The following TCFL5 variants were observed in gnomAD, a reference collection of about 807,000 sequenced individuals.
The protein encoded by TCFL5 is transcription factor-like 5 protein.
In TCFL5, 9 loss-of-function variants were observed where a neutral mutation model predicts 44.3. The ratio of observed to expected loss-of-function variants is 0.20; its 90% CI spans 0.12 to 0.35. TCFL5 has a LOEUF of 0.35. TCFL5 is among the 10% of genes least tolerant of loss of function. The probability of loss-of-function intolerance (pLI) is 1.00; values close to 1 mark genes in which losing one functional copy is unlikely to be tolerated. For missense variants in TCFL5, 603 were observed against 613.4 expected (o/e 0.98, Z 0.18); for synonymous variants, 319 against 271.6 (o/e 1.17, Z -1.72).
Position 62,857,571 on chromosome 20 carries a change from T to C in TCFL5, c.1062A>G (p.Val354=). ...GAATCTCTCCAAGGGCTCTTCGCTCTACATTTGTGTCCAACTGACGCATTC... is the reference window on the plus strand; with the variant it reads ...GAATCTCTCCAAGGGCTCTTCGCTCCACATTTGTGTCCAACTGACGCATTC... ...RSRMRQLDTN[V]ERRALGEIQN... The change falls in exon 4 of 6, where the codon GTA becomes GTG. Residue 354 remains valine, a synonymous_variant. Transcript: ENST00000335351. 1 of 1,614,266 alleles carries C rather than the reference T, an allele frequency of 6.2e-7. No individual in the cohort carries two copies. The highest frequency in any genetic ancestry group is 1.1e-5 in the South Asian group (1 of 91,090).
intron 2 of TCFL5, among the ~76,000 whole-genome samples, chr20:62,859,728 T>TG (rs1252131467): frequency 2.2e-5 from 3 of 135,232 alleles, no homozygotes; most frequent in African/African-American, 1.0e-4. Flanking sequence ...TGTTTTTTTG[T>TG]TTTTTTTTTT....
chr20:62,858,202 G>C (rs73321030), intron 3 of TCFL5, among the ~76,000 whole-genome samples: 1 of 152,224 alleles, frequency 6.6e-6, no homozygotes, highest in South Asian at 2.1e-4. Context: ...AAGAAGTAGC[G>C]TCCGAGCTTT....
chr20:62,848,445 A>G (rs996326201), intron 5 of TCFL5, among the ~76,000 whole-genome samples: 6 of 152,228 alleles, frequency 3.9e-5, no homozygotes, highest in African/African-American at 1.4e-4. Flanking sequence ...TGGATATTAA[A>G]AAGTCAACAC....
rs1259742404 is a variant in TCFL5 at position 62,844,942 on chromosome 20, C to G, written c.1381-2845G>C. The G allele has an allele frequency of 4.1e-6, 4 of 984,738 alleles. No homozygotes were observed. The East Asian group carries it at 4.5e-4, about 112-fold the overall frequency. 61.0% of individuals were successfully genotyped at this position (984,738 alleles called of 1,614,324 possible). Reference sequence around the variant, plus strand: ...AGTTGTAGTAACTTTCTACTTAATTCAAGTCCAGGAGGACACAAGCGCCAT... The same window carrying G: ...AGTTGTAGTAACTTTCTACTTAATTGAAGTCCAGGAGGACACAAGCGCCAT... On this transcript the variant is annotated intron_variant, in intron 5 of 5. Coordinates refer to ENST00000335351, the MANE Select transcript of TCFL5 (RefSeq NM_006602.4).
intron 5 of TCFL5, chr20:62,845,829 A>G (rs1442411044): frequency 1.3e-6 from 2 of 1,597,258 alleles, no homozygotes; most frequent in Non-Finnish European, 8.6e-7. Flanking sequence ...TCTCATTATA[A>G]AAGTGATTTA....
In TCFL5 at chr20:62,841,828, C is replaced by T. The variant is rs551710277; in HGVS notation, c.*147G>A. 7.5e-4 allele frequency: 731 copies of T among 974,036 alleles called. 1 individual carries two copies. Among genetic ancestry groups the T allele is most frequent in the Admixed American group, 1.7e-3 (52 of 30,648 alleles). 60.3% of individuals were successfully genotyped at this position (974,036 alleles called of 1,614,324 possible). ...TAGATAAATATTTTTACAAAATGTG[C>T]TCTCAAAGTCCCTACTGGAGTCCCG... On this transcript the variant is annotated 3_prime_UTR_variant, in exon 6 of 6. Transcript: ENST00000335351.
intron 5 of TCFL5, chr20:62,846,229 G>A (rs1463823502): frequency 1.5e-6 from 1 of 648,050 alleles, no homozygotes; most frequent in Non-Finnish European, 2.3e-6. Flanking sequence ...GCGCTCGCAA[G>A]ATCTTCTGAA....
rs1251543411 is a variant in TCFL5 at position 62,857,607 on chromosome 20, C to T, written c.1026G>A (p.Arg342=). The part of the protein sequence containing the change: ...EAALCKQALK[R]NRSRMRQLDT... ...CCAACTGACGCATTCTACTCCGATTCCTCTTCAGTGCTTGTTTGCATAGCG... is the reference window on the plus strand; with the variant it reads ...CCAACTGACGCATTCTACTCCGATTTCTCTTCAGTGCTTGTTTGCATAGCG... The change falls in exon 4 of 6, where the codon AGG becomes AGA. Residue 342 remains arginine, a synonymous_variant. Coordinates refer to ENST00000335351, the MANE Select transcript of TCFL5 (RefSeq NM_006602.4). 6.2e-7 allele frequency: 1 copy of T among 1,614,230 alleles called. No homozygotes were observed. Among genetic ancestry groups the T allele is most frequent in the Non-Finnish European group, 8.5e-7 (1 of 1,180,036 alleles).
rs1600868241 is a variant in TCFL5, at chr20:62,861,186, G to T, written c.485C>A (p.Ala162Glu). The change falls in exon 1 of 6, where the codon GCG becomes GAG. Residue 162 changes from alanine (A) to glutamate (E), a missense_variant. Ala to Glu is a moderately radical substitution (Grantham distance 107). Around this residue, in one of 4 missense-constraint regions of TCFL5, gnomAD observed 540 missense variants for 478.7 expected, o/e 1.13. Transcript: ENST00000335351. This position sits in a 1 kb window ranked among gnomAD's most constrained non-coding sequence, Gnocchi z 4.0. ...TCCAGCCGCAGCCGCAGCCGCGCCCGCGCCCTCCTTGGCGGCGCCGTCGGC... is the reference window on the plus strand; with the variant it reads ...TCCAGCCGCAGCCGCAGCCGCGCCCTCGCCCTCCTTGGCGGCGCCGTCGGC... Reference protein sequence around the residue: ...ARADGAAKEGAGAAAAAAGPD... With the variant: ...ARADGAAKEGEGAAAAAAGPD... 3 of 1,032,196 alleles carry T rather than the reference G, an allele frequency of 2.9e-6. No homozygotes were observed. The East Asian group carries it at 2.8e-4, about 95-fold the overall frequency. The allele number at this position is 1,032,196 out of a possible 1,614,324, so 63.9% of individuals were successfully genotyped here.
At chr20:62,859,202 CAG>C (rs2063945595) in intron 3 of TCFL5, among the ~76,000 whole-genome samples, 160 bp downstream of exon 3, 1 of 152,180 alleles carries the variant, frequency 6.6e-6, no homozygotes. Context: ...AGCGAAAAGA[CAG>C]GGAAGCGGGT....
chr20:62,861,075 G>A lies in TCFL5; in HGVS notation c.596C>T (p.Pro199Leu). Residue 199 changes from proline to leucine, a missense_variant, in exon 1 of 6, where the codon CCG (proline) becomes CTG (leucine). By Grantham distance (98) the Pro-to-Leu change is moderately conservative. Coordinates refer to ENST00000335351, the MANE Select transcript of TCFL5 (RefSeq NM_006602.4). The surrounding 1 kb of genome is among the most constrained non-coding windows in gnomAD (Gnocchi z 4.0). ...GGGCTCGGGGCCGCGCGGCGCGGGC[G>A]GCGGCTCGGCGGGGATGCTGTTGAA... ...DRFNSIPAEP[P>L]PAPRGPEPPE... 4.0e-6 allele frequency: 4 copies of A among 996,228 alleles called. No homozygotes were observed. Among genetic ancestry groups the A allele is most frequent in the Non-Finnish European group, 4.8e-6 (4 of 838,850 alleles). 61.7% of individuals were successfully genotyped at this position (996,228 alleles called of 1,614,324 possible).
intron 5 of TCFL5, chr20:62,846,237 G>C: frequency 1.6e-6 from 1 of 606,524 alleles, no homozygotes; most frequent in Non-Finnish European, 2.5e-6. Context: ...AAGATCTTCT[G>C]AACTATTTTC....
chr20:62,859,347 G>A lies in TCFL5; in HGVS notation c.994+17C>T, dbSNP rs779259337. On this transcript the variant is annotated intron_variant, in intron 3 of 5. Coordinates refer to ENST00000335351, the MANE Select transcript of TCFL5 (RefSeq NM_006602.4). ...AGTCAGAAGAAAGCTCCCACTACCT[G>A]CTGCTTCATCGCTTACCTCCCACTT... 6.3e-7 allele frequency: 1 copy of A among 1,598,802 alleles called. No homozygotes were observed. Among genetic ancestry groups the A allele is most frequent in the African/African-American group, 1.3e-5 (1 of 74,402 alleles).
intron 5 of TCFL5, among the ~76,000 whole-genome samples, chr20:62,853,067 C>T (rs2063835063): frequency 6.6e-6 from 1 of 150,910 alleles, no homozygotes; most frequent in Non-Finnish European, 1.5e-5. Flanking sequence ...AGTACAGTCA[C>T]CCGGTCCGCA....
intron 4 of TCFL5, among the ~76,000 whole-genome samples, chr20:62,856,166 C>T (rs1198158719): frequency 6.8e-6 from 1 of 147,400 alleles, no homozygotes; most frequent in Non-Finnish European, 1.5e-5. Context: ...AGAAGACTCG[C>T]TTGAACCTGG....
rs746078441 is a variant in TCFL5 at position 62,841,720 on chromosome 20, T to G, written c.*255A>C. 3 of 286,802 alleles carry G rather than the reference T, an allele frequency of 1.0e-5. No individual in the cohort carries two copies. The highest frequency in any genetic ancestry group is 1.9e-5 in the Non-Finnish European group (3 of 155,726). The allele number at this position is 286,802 out of a possible 1,614,324, so 17.8% of individuals were successfully genotyped here. On this transcript the variant is annotated 3_prime_UTR_variant, in exon 6 of 6. Transcript: ENST00000335351. ...GCATTGAGAAAATGCTTACTAATTA[T>G]TACTAATTAATTATTACTAATTATT... is the stretch of plus-strand genomic sequence containing the variant.
chr20:62,846,224 C>T (rs546879397), intron 5 of TCFL5: 39 of 681,418 alleles, frequency 5.7e-5, no homozygotes, highest in Admixed American at 1.6e-4. Context: ...ACTAGGCGCT[C>T]GCAAGATCTT....
At chr20:62,859,022 C>T (rs1474853591) in intron 3 of TCFL5, among the ~76,000 whole-genome samples, 1 of 152,194 alleles carries the variant, frequency 6.6e-6, no homozygotes, top group Non-Finnish European at 1.5e-5. Context: ...ATGACTGCCT[C>T]ACTCATCGAG....
intron 5 of TCFL5, among the ~76,000 whole-genome samples, chr20:62,849,467 G>A (rs886545646): frequency 1.6e-4 from 25 of 152,284 alleles, no homozygotes; most frequent in African/African-American, 5.3e-4. Flanking sequence ...ACTGTGGGGG[G>A]GATTCTTGTA....
Sources: allele counts gnomAD v4.1 joint callset (sites outside exome capture counted in the v4.1 genomes callset), GRCh38; gene constraint gnomAD v4.1.1; regional missense constraint gnomAD v4.1.1; non-coding constraint Gnocchi (gnomAD v3.1); transcripts MANE v1.5; gene names NCBI Gene and HGNC (gene_info 2026-07-23, HGNC 2026-07-21).